TNR: variants seen among roughly 807,000 people sequenced by gnomAD.
TNR encodes the protein tenascin-R.
A neutral mutation model predicts 150.4 loss-of-function variants in TNR; 45 were observed. The observed-to-expected ratio is 0.30, with a 90% CI of 0.24 to 0.38. TNR has a LOEUF of 0.38. TNR is among the 10% of genes least tolerant of loss of function. TNR has a pLI of 1.00. For synonymous variants in TNR, 687 were observed against 678.4 expected, an observed-to-expected ratio of 1.01 and a Z score of -0.20; for missense variants, 1,544 against 1,759.1, an observed-to-expected ratio of 0.88 and a Z score of 2.19.
At chr1:175,452,301 G>GA (rs1392255725) in intron 2 of TNR, among the ~76,000 whole-genome samples, 4 of 152,222 alleles carry the variant, frequency 2.6e-5, no homozygotes, top group African/African-American at 9.6e-5. Context: ...CGCCCTGCTC[G>GA]AAAGTCTAGC....
At chr1:175,591,924 C>A (rs1449700008) in intron 1 of TNR, among the ~76,000 whole-genome samples, 1 of 152,192 alleles carries the variant, frequency 6.6e-6, no homozygotes, top group Non-Finnish European at 1.5e-5. Context: ...TTTGAGGAAG[C>A]ATGTGTCAAT....
chr1:175,741,253 C>T (rs1667921742), intron 1 of TNR, among the ~76,000 whole-genome samples: 1 of 152,228 alleles, frequency 6.6e-6, no homozygotes, highest in African/African-American at 2.4e-5. Flanking sequence ...TCTGCTTTCG[C>T]TATCCTCTGG....
intron 1 of TNR, among the ~76,000 whole-genome samples, chr1:175,721,402 G>A (rs1370711394): frequency 6.6e-6 from 1 of 152,162 alleles, no homozygotes; most frequent in African/African-American, 2.4e-5. Context: ...ACAAATATGT[G>A]TGGGCATGCC....
chr1:175,475,022 G>A (rs1473476403), intron 2 of TNR, among the ~76,000 whole-genome samples: 1 of 152,178 alleles, frequency 6.6e-6, no homozygotes, highest in African/African-American at 2.4e-5. Context: ...GGGCAGAAGT[G>A]GCTTGGACTC....
intron 2 of TNR, among the ~76,000 whole-genome samples, chr1:175,516,092 TC>T (rs1391394993): frequency 2.0e-5 from 3 of 152,224 alleles, no homozygotes; most frequent in African/African-American, 7.2e-5. Flanking sequence ...GGTTTTTTAT[TC>T]AGAACCATTT....
At chr1:175,587,448 T>A (rs1392878505) in intron 1 of TNR, among the ~76,000 whole-genome samples, 1 of 152,220 alleles carries the variant, frequency 6.6e-6, no homozygotes, top group African/African-American at 2.4e-5. Context: ...CTGACTCACA[T>A]TTGAGGGTTA....
intron 1 of TNR, among the ~76,000 whole-genome samples, chr1:175,664,206 A>T (rs1665463564): frequency 6.6e-6 from 1 of 152,196 alleles, no homozygotes; most frequent in Non-Finnish European, 1.5e-5. Context: ...CTCTGGGCAA[A>T]AACCTGGACC....
chr1:175,346,136 C>A (rs142708975), intron 18 of TNR, among the ~76,000 whole-genome samples: 1 of 152,050 alleles, frequency 6.6e-6, no homozygotes, highest in Non-Finnish European at 1.5e-5. Context: ...TATGAAATTA[C>A]GGAAGGTTTG....
chr1:175,647,541 A>G (rs1005637809), intron 1 of TNR, among the ~76,000 whole-genome samples: 1 of 152,184 alleles, frequency 6.6e-6, no homozygotes, highest in Non-Finnish European at 1.5e-5. Context: ...TTCTGCCTAG[A>G]TGAAGAAATC....
At position 175,535,913 on chromosome 1, in the gene TNR, G is replaced by A. The variant is rs149759036; in HGVS notation, c.-164-7544C>T. Among the ~76,000 whole-genome samples the A allele has an allele frequency of 9.9e-3, 1,509 of 152,134 alleles. 71 individuals carry two copies. Among genetic ancestry groups the A allele is most frequent in the Admixed American group, 0.083 (1,271 of 15,280 alleles). ...GCAGCTCCTCTAATTTTAAATGTAG[G>A]CAGCAAGTCACAGTAGTATCAGCAG... On this transcript the variant is annotated intron_variant, in intron 1 of 22. Coordinates refer to ENST00000367674, the MANE Select transcript of TNR (RefSeq NM_003285.3).
chr1:175,352,815 A>C (rs2102003644), intron 18 of TNR, among the ~76,000 whole-genome samples: 1 of 152,362 alleles, frequency 6.6e-6, no homozygotes, highest in East Asian at 1.9e-4. Context: ...CTCGTTCACA[A>C]TCTCCGCACT....
At chr1:175,585,487 G>A (rs1380645954) in intron 1 of TNR, among the ~76,000 whole-genome samples, 2 of 152,174 alleles carry the variant, frequency 1.3e-5, no homozygotes, top group East Asian at 1.9e-4. Context: ...TTTTATGGAT[G>A]AGAAAGCTGA....
At chr1:175,448,489 C>T (rs1030181441) in intron 2 of TNR, among the ~76,000 whole-genome samples, 1 of 152,190 alleles carries the variant, frequency 6.6e-6, no homozygotes, top group African/African-American at 2.4e-5. Context: ...GGATTACAGG[C>T]ATGAGCCGCT....
At chr1:175,488,120 G>C (rs1318441480) in intron 2 of TNR, among the ~76,000 whole-genome samples, 1 of 152,208 alleles carries the variant, frequency 6.6e-6, no homozygotes, top group African/African-American at 2.4e-5. Flanking sequence ...CAAGAAAGCA[G>C]AGAGGCAGAT....
chr1:175,563,651 C>T (rs1661520928), intron 1 of TNR, among the ~76,000 whole-genome samples: 1 of 152,212 alleles, frequency 6.6e-6, no homozygotes, highest in Non-Finnish European at 1.5e-5. Context: ...ATACTAAGCT[C>T]TTTTGGCCCA....
intron 2 of TNR, among the ~76,000 whole-genome samples, chr1:175,434,053 A>T (rs1488568260): frequency 6.6e-6 from 1 of 152,024 alleles, no homozygotes; most frequent in Non-Finnish European, 1.5e-5. Context: ...CTTCTGTTAA[A>T]TTTTCTTGCA....
At position 175,647,994 on chromosome 1, in the gene TNR, A is replaced by T. The variant is rs541687751; in HGVS notation, c.-165+95232T>A. On this transcript the variant is annotated intron_variant, in intron 1 of 22. Coordinates refer to ENST00000367674, the MANE Select transcript of TNR (RefSeq NM_003285.3). The stretch of plus-strand genomic sequence containing the variant: ...CCATTAGCGTGCCCTTCCCACCTTC[A>T]GCTTGAGGCAAAATTCCAGCCCTCT... 3.9e-5 allele frequency among the ~76,000 whole-genome samples: 6 copies of T among 152,128 alleles called. No individual in the cohort carries two copies. The South Asian group carries it at 1.2e-3, about 32-fold the overall frequency.
At chr1:175,707,160 G>A (rs1666865334) in intron 1 of TNR, among the ~76,000 whole-genome samples, 1 of 152,108 alleles carries the variant, frequency 6.6e-6, no homozygotes, top group Admixed American at 6.6e-5. Flanking sequence ...ATAGACATAT[G>A]CCCTAGAGCA....
chr1:175,367,337 G>A (rs373172276), intron 9 of TNR, 40 bp from the exon 10 acceptor site: 6 of 1,571,346 alleles, frequency 3.8e-6, no homozygotes, highest in Non-Finnish European at 5.3e-6. Context: ...TCTGTGTATG[G>A]GGCAGGGCTA....
Sources: allele counts gnomAD v4.1 joint callset (sites outside exome capture counted in the v4.1 genomes callset), GRCh38; gene constraint gnomAD v4.1.1; transcripts MANE v1.5; gene names NCBI Gene and HGNC (gene_info 2026-07-23, HGNC 2026-07-21).